GLI2: variants seen among roughly 807,000 people sequenced by gnomAD.
The protein encoded by GLI2 is GLI family zinc finger 2, also known as transcription activator GLI2.
Under a neutral mutation model 78.9 loss-of-function variants are expected in GLI2, and 22 were observed. That is an observed-to-expected ratio of 0.28 (90% CI 0.20 to 0.40). The LOEUF is 0.40. Among genes scored for constraint, GLI2 ranks in the 10% least tolerant of loss-of-function variants. The pLI is 1.00. For missense variants in GLI2, 2,097 were observed against 2,213.2 expected (o/e 0.95, Z 1.05); for synonymous variants, 974 against 963.7 (o/e 1.01, Z -0.20).
At chr2:120,857,879 TCTC>T (rs1687735593) in intron 2 of GLI2, among the ~76,000 whole-genome samples, 1 of 151,990 alleles carries the variant, frequency 6.6e-6, no homozygotes, top group African/African-American at 2.4e-5. Flanking sequence ...TCTGCTTGTT[TCTC>T]CTCGTGGCCC....
At chr2:120,770,629 G>A (rs1009839247) in intron 1 of GLI2, among the ~76,000 whole-genome samples, 2 of 152,172 alleles carry the variant, frequency 1.3e-5, no homozygotes, top group Non-Finnish European at 2.9e-5. Context: ...GCAGTTTCTG[G>A]CTTGCCTCTC....
At position 120,991,793 on chromosome 2, in the gene GLI2, C is replaced by G. The variant is rs147096573; in HGVS notation, c.*1118C>G. 1 of 152,482 alleles carries G rather than the reference C, an allele frequency of 6.6e-6. No individual in the cohort carries two copies. 9.4% of individuals were successfully genotyped at this position (152,482 alleles called of 1,614,324 possible). On this transcript the variant is annotated 3_prime_UTR_variant, in exon 14 of 14. Transcript: ENST00000361492. ...TCCTCCGGATTCCCTTCCTTCTGCC[C>G]GCTGAGTCACTGGGCAGAGAATGAT...
At chr2:120,798,023 G>A (rs893473643) in intron 2 of GLI2, among the ~76,000 whole-genome samples, 1 of 152,262 alleles carries the variant, frequency 6.6e-6, no homozygotes, top group East Asian at 1.9e-4. Context: ...TTTCTACTGG[G>A]CCATCCGTGC....
intron 2 of GLI2, among the ~76,000 whole-genome samples, chr2:120,814,074 C>T (rs1685385104): frequency 6.6e-6 from 1 of 151,822 alleles, no homozygotes; most frequent in African/African-American, 2.4e-5. Context: ...GTTATCCCAT[C>T]CCAGAGAAAG....
intron 5 of GLI2, among the ~76,000 whole-genome samples, chr2:120,958,573 A>G (rs976871672): frequency 2.0e-5 from 3 of 152,048 alleles, no homozygotes; most frequent in Non-Finnish European, 4.4e-5. Context: ...TCCTGCGCTC[A>G]GCCCCTGCCA....
At chr2:120,808,405 A>T (rs1421774817) in intron 2 of GLI2, among the ~76,000 whole-genome samples, 1 of 151,614 alleles carries the variant, frequency 6.6e-6, no homozygotes, top group African/African-American at 2.4e-5. Context: ...TCCTCCTGTG[A>T]CCTCTCCCCA....
At chr2:120,839,625 C>T (rs925684016) in intron 2 of GLI2, among the ~76,000 whole-genome samples, 4 of 152,126 alleles carry the variant, frequency 2.6e-5, no homozygotes, top group African/African-American at 9.7e-5. Flanking sequence ...TGCAGTGACA[C>T]GAATTCAGCT....
intron 10 of GLI2, among the ~76,000 whole-genome samples, chr2:120,980,742 A>G (rs955475078): frequency 1.3e-5 from 2 of 152,196 alleles, no homozygotes; most frequent in African/African-American, 4.8e-5. Flanking sequence ...TAAGAGTTTT[A>G]TAGTTTATAT....
In GLI2 at chr2:120,838,267, C is replaced by G. The variant is rs544929312; in HGVS notation, c.148+40799C>G. Among the ~76,000 whole-genome samples the G allele has an allele frequency of 1.3e-4, 20 of 152,186 alleles. No homozygotes were observed. In the South Asian group the frequency reaches 3.3e-3, roughly 25 times the overall value. On this transcript the variant is annotated intron_variant, in intron 2 of 13. Coordinates refer to ENST00000361492, the MANE Select transcript of GLI2 (RefSeq NM_001374353.1). ...ATGTTATATATATAAAATATACACACACATATATATATGTTTAAAAATTAC... is the reference window on the plus strand; with the variant it reads ...ATGTTATATATATAAAATATACACAGACATATATATATGTTTAAAAATTAC...
intron 3 of GLI2, among the ~76,000 whole-genome samples, chr2:120,948,851 G>A (rs908452841): frequency 3.9e-5 from 6 of 152,150 alleles, no homozygotes; most frequent in African/African-American, 1.4e-4. Flanking sequence ...AACCCTGGCC[G>A]GCATCCTGCA....
intron 2 of GLI2, among the ~76,000 whole-genome samples, chr2:120,898,966 G>C (rs1241234391): frequency 6.6e-6 from 1 of 152,148 alleles, no homozygotes; most frequent in African/African-American, 2.4e-5. Flanking sequence ...TTGTCAGCAC[G>C]TGGCACCTCC....
At chr2:120,938,465 A>G (rs537051895) in intron 3 of GLI2, among the ~76,000 whole-genome samples, 1 of 152,368 alleles carries the variant, frequency 6.6e-6, no homozygotes, top group East Asian at 1.9e-4. Context: ...GATTGCAACC[A>G]AGTCCATCTG....
intron 2 of GLI2, among the ~76,000 whole-genome samples, chr2:120,856,918 C>T (rs1022773531): frequency 6.6e-6 from 1 of 152,052 alleles, no homozygotes. Flanking sequence ...TTGAACTGGG[C>T]CCAGAGGCCC....
At chr2:120,893,679 AAGC>A (rs906197162) in intron 2 of GLI2, among the ~76,000 whole-genome samples, 7 of 152,016 alleles carry the variant, frequency 4.6e-5, no homozygotes, top group Non-Finnish European at 1.0e-4. Context: ...GGAAAAAGAA[AAGC>A]AAAACCAAGT....
intron 5 of GLI2, among the ~76,000 whole-genome samples, chr2:120,963,858 A>G (rs1681709795): frequency 6.6e-6 from 1 of 152,230 alleles, no homozygotes; most frequent in African/African-American, 2.4e-5. Context: ...AAATTACTTA[A>G]CACTTTAAAG....
intron 3 of GLI2, among the ~76,000 whole-genome samples, chr2:120,935,214 A>G (rs548063868): frequency 6.6e-6 from 1 of 152,286 alleles, no homozygotes; most frequent in African/African-American, 2.4e-5. Context: ...GCCCAGCGTC[A>G]CCCACCAGGC....
intron 2 of GLI2, among the ~76,000 whole-genome samples, chr2:120,875,969 A>T (rs759126838): frequency 6.6e-6 from 1 of 152,222 alleles, no homozygotes; most frequent in Admixed American, 6.5e-5. Context: ...TTAGGGAAAG[A>T]ATGGACTGTT....
intron 2 of GLI2, among the ~76,000 whole-genome samples, chr2:120,926,749 G>A (rs1679695989): frequency 6.6e-6 from 1 of 152,186 alleles, no homozygotes; most frequent in Non-Finnish European, 1.5e-5. Context: ...TTCGATCCTG[G>A]GGGCACCCGA....
intron 1 of GLI2, among the ~76,000 whole-genome samples, chr2:120,738,560 C>A (rs1193094245): frequency 6.6e-6 from 1 of 152,116 alleles, no homozygotes; most frequent in Admixed American, 6.5e-5. Flanking sequence ...TTGAAAGAGC[C>A]CAGCTGCCCA....
Sources: allele counts gnomAD v4.1 joint callset (sites outside exome capture counted in the v4.1 genomes callset), GRCh38; gene constraint gnomAD v4.1.1; transcripts MANE v1.5; gene names NCBI Gene and HGNC (gene_info 2026-07-23, HGNC 2026-07-21).